The following SCN7A variants were observed in gnomAD, a reference collection of about 807,000 sequenced individuals.
SCN7A encodes the protein sodium channel protein type 7 subunit alpha.
A neutral mutation model predicts 155.2 loss-of-function variants in SCN7A; 138 were observed. The observed-to-expected ratio is 0.89, with a 90% CI of 0.77 to 1.02. The LOEUF is 1.02. Among genes scored for constraint, SCN7A ranks in the 50% least tolerant of loss-of-function variants. SCN7A has a pLI of 0.00. For synonymous variants in SCN7A, 693 were observed against 649.0 expected (o/e 1.07, Z -1.03); for missense variants, 2,058 against 1,986.6 (o/e 1.04, Z -0.68).
intron 5 of SCN7A, among the ~76,000 whole-genome samples, chr2:166,473,562 TA>T: frequency 6.6e-6 from 1 of 151,532 alleles, no homozygotes; most frequent in East Asian, 1.9e-4. Flanking sequence ...GTGATTTTCT[TA>T]ATGAATGGAA....
intron 2 of SCN7A, among the ~76,000 whole-genome samples, chr2:166,480,450 T>C (rs1196615843): frequency 2.2e-5 from 3 of 135,444 alleles, no homozygotes; most frequent in African/African-American, 8.4e-5. Context: ...AGAGCGAGAC[T>C]CCGTCTCAAA....
At chr2:166,408,723 C>G (rs1701130592) in intron 25 of SCN7A, among the ~76,000 whole-genome samples, 1 of 151,920 alleles carries the variant, frequency 6.6e-6, no homozygotes, top group African/African-American at 2.4e-5. Context: ...GGAAGCAGAT[C>G]TGGGCAAACA....
intron 25 of SCN7A, 60 bp downstream of exon 25, chr2:166,409,605 G>T: frequency 8.0e-7 from 1 of 1,249,954 alleles, no homozygotes; most frequent in Non-Finnish European, 1.1e-6. Context: ...CATATTTACT[G>T]TAAGAGCTTA....
In SCN7A at chr2:166,421,185, C is replaced by A; in HGVS notation, c.3135+5G>T. 6.7e-7 allele frequency: 1 copy of A among 1,495,098 alleles called. No individual in the cohort carries two copies. The highest frequency in any genetic ancestry group is 1.3e-5 in the South Asian group (1 of 74,886). The allele number at this position is 1,495,098 out of a possible 1,614,324, so 92.6% of individuals were successfully genotyped here. A position where few individuals can be genotyped will look rare whatever the true frequency, so the allele number is the denominator to read the frequency against. On this transcript the variant is annotated splice_donor_5th_base_variant and intron_variant, in intron 20 of 25. Coordinates refer to ENST00000643258, the MANE Select transcript of SCN7A (RefSeq NM_002976.4). ...TGTAGATTAGCTTAGAAACTTATCT[C>A]TTACCTTCATTCTTTCAAATTGAGA...
chr2:166,408,051 C>A (rs1262379913), intron 25 of SCN7A, among the ~76,000 whole-genome samples: 1 of 152,004 alleles, frequency 6.6e-6, no homozygotes, highest in Non-Finnish European at 1.5e-5. Context: ...ATTTCCCTTG[C>A]AACCCTCTCA....
chr2:166,434,941 A>G (rs998391676), intron 15 of SCN7A, among the ~76,000 whole-genome samples: 3 of 152,068 alleles, frequency 2.0e-5, no homozygotes, highest in Non-Finnish European at 4.4e-5. Context: ...TAAAAAATAG[A>G]TTTTGTGCTA....
intron 11 of SCN7A, among the ~76,000 whole-genome samples, chr2:166,456,227 A>G (rs1702271368): frequency 6.6e-6 from 1 of 152,072 alleles, no homozygotes; most frequent in Non-Finnish European, 1.5e-5. Context: ...CAAGGGGAGC[A>G]ATAGCATTAG....
chr2:166,475,850 C>T (rs1253749331), intron 3 of SCN7A, among the ~76,000 whole-genome samples: 1 of 151,886 alleles, frequency 6.6e-6, no homozygotes, highest in Non-Finnish European at 1.5e-5. Context: ...CCAAGCTATC[C>T]GTGCAGTTCT....
At chr2:166,434,649 C>A (rs1334909804) in intron 15 of SCN7A, among the ~76,000 whole-genome samples, 1 of 152,168 alleles carries the variant, frequency 6.6e-6, no homozygotes, top group Non-Finnish European at 1.5e-5. Flanking sequence ...AGGAGCCACA[C>A]TATTAGCAAC....
chr2:166,474,922 T>G (rs1027344515), intron 3 of SCN7A, among the ~76,000 whole-genome samples: 1 of 150,972 alleles, frequency 6.6e-6, no homozygotes, highest in Non-Finnish European at 1.5e-5. Flanking sequence ...ATTAAAGCAT[T>G]AAAATTCTAA....
At position 166,474,330 on chromosome 2, in the gene SCN7A, T is replaced by A; in HGVS notation, c.249A>T (p.Leu83Phe). ...ATCTGAAGATTGTTCTATTTTTATT[T>A]AATACTATGAAAGTCTGTAAGAAGA... ...YYKKKNTFIV[L>F]NKNRTIFRFN... The change falls in exon 4 of 26, where the codon TTA (leucine) becomes TTT (phenylalanine). Residue 83 changes from leucine to phenylalanine, a missense_variant. Physicochemically the swap from Leu to Phe is conservative, Grantham distance 22 (BLOSUM62 0). Coordinates refer to ENST00000643258, the MANE Select transcript of SCN7A (RefSeq NM_002976.4). The A allele has an allele frequency of 1.4e-6, 2 of 1,480,064 alleles. No homozygotes were observed. Among genetic ancestry groups the A allele is most frequent in the Non-Finnish European group, 1.8e-6 (2 of 1,092,566 alleles). The allele number at this position is 1,480,064 out of a possible 1,614,324, so 91.7% of individuals were successfully genotyped here.
chr2:166,451,724 A>G (rs967187839), intron 11 of SCN7A, among the ~76,000 whole-genome samples: 1 of 152,134 alleles, frequency 6.6e-6, no homozygotes, highest in African/African-American at 2.4e-5. Flanking sequence ...TTTCTCATAG[A>G]AACCTTTTCC....
rs1475764449 is a variant in SCN7A, at chr2:166,403,953, C to G, written c.*1627G>C. On this transcript the variant is annotated 3_prime_UTR_variant, in exon 26 of 26. Coordinates refer to ENST00000643258, the MANE Select transcript of SCN7A (RefSeq NM_002976.4). ...CACTTAGAGAGGAAAAAAAAAAAAC[C>G]CTGAAATCTGAAATTACATTTACTT... The G allele has an allele frequency of 6.6e-6, 1 of 151,244 alleles. No individual in the cohort carries two copies. Among genetic ancestry groups the G allele is most frequent in the Admixed American group, 6.6e-5 (1 of 15,154 alleles). 9.4% of individuals were successfully genotyped at this position (151,244 alleles called of 1,614,324 possible). A position where few individuals can be genotyped will look rare whatever the true frequency, so the allele number is the denominator to read the frequency against.
chr2:166,425,109 G>A lies in SCN7A; in HGVS notation c.2854-1677C>T, dbSNP rs1023152567. 3.3e-5 allele frequency among the ~76,000 whole-genome samples: 5 copies of A among 152,048 alleles called. No individual in the cohort carries two copies. In the East Asian group the frequency reaches 9.7e-4, roughly 29 times the overall value. On this transcript the variant is annotated intron_variant, in intron 18 of 25. Coordinates refer to ENST00000643258, the MANE Select transcript of SCN7A (RefSeq NM_002976.4). ...TTTGTCACTCAAGGTGAAATTGCGCGGTGCAGTCTGGGCTCCAGAGCCTCC... is the reference window on the plus strand; with the variant it reads ...TTTGTCACTCAAGGTGAAATTGCGCAGTGCAGTCTGGGCTCCAGAGCCTCC...
intron 1 of SCN7A, among the ~76,000 whole-genome samples, chr2:166,492,912 T>C (rs1320660151): frequency 6.6e-6 from 1 of 152,240 alleles, no homozygotes; most frequent in Non-Finnish European, 1.5e-5. Context: ...TGGCTTAATT[T>C]GTACAAAAAT....
rs781313630 is a variant in SCN7A, at chr2:166,477,522, G to A, written c.175C>T (p.Gln59Ter). 7 of 1,558,320 alleles carry A rather than the reference G, an allele frequency of 4.5e-6. No individual in the cohort carries two copies. The highest frequency in any genetic ancestry group is 1.2e-5 in the South Asian group (1 of 84,802). The change falls in exon 3 of 26, where the codon CAA becomes TAA. Residue 59 changes from glutamine to a stop codon, truncating the protein, a stop_gained. Transcript: ENST00000643258. LOFTEE classifies it high-confidence loss of function. The part of the protein sequence containing the change: ...KLPFIYGNLS[Q>*]GMVSEPLEDV... ...TCCAAGGGCTCTGACACCATTCCTT[G>A]AGAAAGGTTTCCATAAATAAATGGA... is the stretch of plus-strand genomic sequence containing the variant.
intron 18 of SCN7A, among the ~76,000 whole-genome samples, chr2:166,425,214 T>C (rs987335161): frequency 7.9e-5 from 12 of 152,120 alleles, no homozygotes; most frequent in African/African-American, 2.9e-4. Flanking sequence ...TTAAAAACTC[T>C]CTTTAAGGTC....
chr2:166,462,130 ACTCTCTTCTCTCTCTC>A (rs1233947640), intron 10 of SCN7A: 12 of 247,318 alleles, frequency 4.9e-5, no homozygotes, highest in African/African-American at 1.4e-4. Flanking sequence ...AAATACACAC[ACTCTCTTCTCTCTCTC>A]CTCTCTTCTC....
intron 3 of SCN7A, among the ~76,000 whole-genome samples, chr2:166,476,907 T>C (rs1702811300): frequency 6.6e-6 from 1 of 152,058 alleles, no homozygotes; most frequent in East Asian, 1.9e-4. Context: ...TTCATACCAA[T>C]CTCTGATTTC....
Sources: gnomAD v4.1 joint callset for allele counts (sites outside exome capture counted in the v4.1 genomes callset) on GRCh38, gnomAD v4.1.1 for gene constraint, MANE v1.5 for transcripts, NCBI Gene and HGNC (gene_info 2026-07-23, HGNC 2026-07-21) for gene names.